UBR1: variants seen among roughly 807,000 people sequenced by gnomAD.
UBR1 encodes ubiquitin protein ligase E3 component n-recognin 1.
In UBR1, 102 loss-of-function variants were observed where a neutral mutation model predicts 242.1. The ratio of observed to expected loss-of-function variants is 0.42; its 90% CI spans 0.36 to 0.50. UBR1 has a LOEUF of 0.50. Among genes scored for constraint, UBR1 ranks in the 20% least tolerant of loss-of-function variants. The pLI is 0.01. For synonymous variants in UBR1, 675 were observed against 684.8 expected (o/e 0.99, Z 0.22); for missense variants, 1,772 against 2,101.8 (o/e 0.84, Z 3.07).
intron 20 of UBR1, 120 bp from the exon 21 acceptor site, chr15:43,030,188 CA>C: frequency 8.7e-7 from 1 of 1,147,392 alleles, no homozygotes; most frequent in East Asian, 2.6e-5. Flanking sequence ...GAGAGAGGGG[CA>C]AAAGTTATTT....
At chr15:43,080,840 A>G (rs142254643) in intron 3 of UBR1, among the ~76,000 whole-genome samples, 13,219 of 152,154 alleles carry the variant, frequency 0.087, 743 homozygotes, top group East Asian at 0.15. Context: ...AATCCCAGCT[A>G]CCTGGGAGGC....
chr15:43,098,297 G>A (rs2141370957), intron 1 of UBR1, among the ~76,000 whole-genome samples: 1 of 152,246 alleles, frequency 6.6e-6, no homozygotes, highest in African/African-American at 2.4e-5. Flanking sequence ...ACTGATCACA[G>A]ATCATCATAA....
intron 22 of UBR1, 43 bp from the exon 23 acceptor site, chr15:43,026,706 A>T (rs1408649467): frequency 1.3e-6 from 2 of 1,502,564 alleles, no homozygotes; most frequent in East Asian, 4.5e-5. Context: ...GTGTTCTTGA[A>T]GTATAAAATA....
At chr15:43,014,251 G>A (rs1237829508) in intron 29 of UBR1, among the ~76,000 whole-genome samples, 4 of 152,208 alleles carry the variant, frequency 2.6e-5, no homozygotes, top group Non-Finnish European at 5.9e-5. Flanking sequence ...CCTCCCAGCC[G>A]CCTGCCTTGG....
intron 1 of UBR1, among the ~76,000 whole-genome samples, chr15:43,099,885 T>TA (rs1247734062): frequency 6.6e-6 from 1 of 151,704 alleles, no homozygotes; most frequent in Non-Finnish European, 1.5e-5. Flanking sequence ...TGCCTCTTTT[T>TA]TTTTTTTTTA....
intron 14 of UBR1, among the ~76,000 whole-genome samples, chr15:43,044,450 T>C (rs2033458539): frequency 6.6e-6 from 1 of 152,206 alleles, no homozygotes; most frequent in African/African-American, 2.4e-5. Context: ...GAATCAAATC[T>C]GGGTGAATAC....
chr15:42,969,643 A>G (rs2032170133), intron 40 of UBR1, among the ~76,000 whole-genome samples: 1 of 152,250 alleles, frequency 6.6e-6, no homozygotes, highest in African/African-American at 2.4e-5. Flanking sequence ...AGGCAACTTC[A>G]GCAAAGTCTC....
At chr15:42,985,890 G>C (rs1315609502) in intron 35 of UBR1, among the ~76,000 whole-genome samples, 2 of 150,536 alleles carry the variant, frequency 1.3e-5, no homozygotes, top group Non-Finnish European at 2.9e-5. Context: ...TCAGGAGGCT[G>C]AGGTGGGAGG....
At chr15:43,048,885 T>C (rs987800802) in intron 12 of UBR1, among the ~76,000 whole-genome samples, 7 of 152,174 alleles carry the variant, frequency 4.6e-5, no homozygotes, top group East Asian at 1.9e-4. Flanking sequence ...TGGAACAGAT[T>C]TTCTACCTCC....
At chr15:43,003,230 A>G (rs1463537709) in intron 31 of UBR1, 1 of 162,320 alleles carries the variant, frequency 6.2e-6, no homozygotes, top group Non-Finnish European at 1.3e-5. Context: ...TTTTATAAAG[A>G]TTACTTTTTT....
chr15:43,048,064 G>A (rs748023392), intron 13 of UBR1, among the ~76,000 whole-genome samples: 5 of 152,032 alleles, frequency 3.3e-5, no homozygotes, highest in African/African-American at 7.3e-5. Flanking sequence ...GTGCATGCCT[G>A]TAATCCCAGC....
intron 41 of UBR1, 67 bp downstream of exon 41, chr15:42,966,086 T>C: frequency 6.2e-7 from 1 of 1,608,426 alleles, no homozygotes; most frequent in East Asian, 2.2e-5. Context: ...CTTGTATTCA[T>C]GAGCTTGAAG....
intron 1 of UBR1, among the ~76,000 whole-genome samples, chr15:43,103,279 T>C (rs762567222): frequency 4.6e-5 from 7 of 152,188 alleles, no homozygotes; most frequent in Non-Finnish European, 8.8e-5. Flanking sequence ...GGTGGGAAGA[T>C]CATCTGAGCC....
chr15:43,088,479 C>G (rs1211592668), intron 1 of UBR1, among the ~76,000 whole-genome samples: 1 of 151,826 alleles, frequency 6.6e-6, no homozygotes, highest in Admixed American at 6.6e-5. Flanking sequence ...AAAATTTCAA[C>G]ACATTTGGGC....
intron 39 of UBR1, among the ~76,000 whole-genome samples, chr15:42,975,190 G>A (rs769481225): frequency 2.0e-5 from 3 of 152,062 alleles, no homozygotes. Flanking sequence ...GCCACCACCC[G>A]GCCTCTATTG....
At chr15:43,029,883 AG>A (rs2033231785) in intron 21 of UBR1, 60 bp downstream of exon 21, 10 of 1,603,164 alleles carry the variant, frequency 6.2e-6, no homozygotes, top group Non-Finnish European at 8.5e-6. Flanking sequence ...TTCCAATTAA[AG>A]AAAAAGAAAC....
At chr15:43,020,175 G>T (rs1054683666) in intron 27 of UBR1, among the ~76,000 whole-genome samples, 8 of 152,110 alleles carry the variant, frequency 5.3e-5, no homozygotes, top group African/African-American at 1.4e-4. Context: ...AAGTAGCTAG[G>T]ACTACAGGTG....
chr15:43,035,893 C>T (rs2141316286), intron 19 of UBR1, among the ~76,000 whole-genome samples: 2 of 135,620 alleles, frequency 1.5e-5, no homozygotes, highest in South Asian at 4.5e-4. Flanking sequence ...ATCACATGGA[C>T]ACAGGAAGGG....
rs562022505 is a variant in UBR1 at position 42,978,713 on chromosome 15, ATTTCTTTTCT to A, written c.4151-776_4151-767del. 8.3e-3 allele frequency among the ~76,000 whole-genome samples: 1,254 copies of A among 151,016 alleles called. 20 individuals are homozygous for A. Among genetic ancestry groups the A allele is most frequent in the African/African-American group, 0.029 (1,183 of 41,086 alleles). On this transcript the variant is annotated intron_variant, in intron 37 of 46. Coordinates refer to ENST00000290650, the MANE Select transcript of UBR1 (RefSeq NM_174916.3). ...AGAAGACTCTTTTCAGACTAGGTAA[ATTTCTTTTCT>A]TTTCTTTTCTTTTTTTTTTTTTTTA...
Sources: gnomAD v4.1 joint callset for allele counts (sites outside exome capture counted in the v4.1 genomes callset) on GRCh38, gnomAD v4.1.1 for gene constraint, MANE v1.5 for transcripts, NCBI Gene and HGNC (gene_info 2026-07-23, HGNC 2026-07-21) for gene names.